EPB41L1: variants seen among roughly 807,000 people sequenced by gnomAD.
EPB41L1 encodes the protein band 4.1-like protein 1.
A neutral mutation model predicts 97.8 loss-of-function variants in EPB41L1; 29 were observed. The observed-to-expected ratio is 0.30, with a 90% CI of 0.22 to 0.40. The LOEUF is 0.40. Among genes scored for constraint, EPB41L1 ranks in the 10% least tolerant of loss-of-function variants. The probability of loss-of-function intolerance (pLI) is 1.00; values close to 1 mark genes in which losing one functional copy is unlikely to be tolerated. For missense variants in EPB41L1, 812 were observed against 1,162.3 expected (o/e 0.70, Z 4.38); for synonymous variants, 383 against 459.2 (o/e 0.83, Z 2.12).
chr20:36,194,382 A>T, intron 12 of EPB41L1, 22 bp downstream of exon 12: 1 of 1,586,224 alleles, frequency 6.3e-7, no homozygotes, highest in Middle Eastern at 1.7e-4. Flanking sequence ...GCTTTCTCAT[A>T]CTCTCTGCCC....
At chr20:36,222,050 A>AC in intron 20 of EPB41L1, 106 bp downstream of exon 20, 1 of 1,253,188 alleles carries the variant, frequency 8.0e-7, no homozygotes, top group Non-Finnish European at 1.2e-6. Flanking sequence ...GAAGGTGTCC[A>AC]CTTCTTGCTG....
chr20:36,206,786 C>A lies in EPB41L1; in HGVS notation c.1669-2702C>A, dbSNP rs1034031325. 13 of 1,289,856 alleles carry A rather than the reference C, an allele frequency of 1.0e-5. No individual in the cohort carries two copies. Among genetic ancestry groups the A allele is most frequent in the Non-Finnish European group, 1.3e-5 (13 of 988,874 alleles). The allele number at this position is 1,289,856 out of a possible 1,614,324, so 79.9% of individuals were successfully genotyped here. On this transcript the variant is annotated intron_variant, in intron 14 of 21. Coordinates refer to ENST00000338074, the MANE Select transcript of EPB41L1 (RefSeq NM_012156.2). The surrounding 1 kb of genome is among the most constrained non-coding windows in gnomAD (Gnocchi z 5.5). ...GTGGAAGGAGAGTTTCCCCACCTGA[C>A]AGCCAGCGCAGCCCGAGAGGAAGGG...
At chr20:36,213,725 A>G (rs1157488376) in intron 16 of EPB41L1, among the ~76,000 whole-genome samples, 1 of 152,232 alleles carries the variant, frequency 6.6e-6, no homozygotes, top group South Asian at 2.1e-4. Context: ...TAGTTATACA[A>G]TTCAAGCAGA....
At chr20:36,211,363 G>A (rs753558214) in intron 15 of EPB41L1, among the ~76,000 whole-genome samples, 19 of 151,222 alleles carry the variant, frequency 1.3e-4, no homozygotes, top group Non-Finnish European at 2.5e-4. Flanking sequence ...CCTGGGCAAC[G>A]GAACGAGATT....
At chr20:36,221,110 G>A in intron 19 of EPB41L1, among the ~76,000 whole-genome samples, 1 of 152,170 alleles carries the variant, frequency 6.6e-6, no homozygotes, top group East Asian at 1.9e-4. Flanking sequence ...TCTTCCCAAA[G>A]TCCCTGCCAA....
chr20:36,163,471 C>G (rs1341815440), intron 1 of EPB41L1, among the ~76,000 whole-genome samples: 1 of 152,184 alleles, frequency 6.6e-6, no homozygotes, highest in Non-Finnish European at 1.5e-5. Context: ...CCCTTGCCTT[C>G]CTTGACTTCT....
chr20:36,172,566 A>T (rs1462678548), intron 1 of EPB41L1, among the ~76,000 whole-genome samples: 1 of 152,236 alleles, frequency 6.6e-6, no homozygotes, highest in Non-Finnish European at 1.5e-5. Context: ...GTGCAAACAC[A>T]AACATATGTT....
chr20:36,097,740 A>T (rs2057878821), intron 1 of EPB41L1, among the ~76,000 whole-genome samples: 1 of 152,238 alleles, frequency 6.6e-6, no homozygotes, highest in South Asian at 2.1e-4. Flanking sequence ...TAGCATGTGC[A>T]AAGGCAGAAC....
At chr20:36,145,296 C>T (rs951353172) in intron 2 of EPB41L1, among the ~76,000 whole-genome samples, 7 of 149,288 alleles carry the variant, frequency 4.7e-5, no homozygotes, top group East Asian at 3.9e-4. Context: ...GAGGCTGAGG[C>T]GGAGAATTGC....
chr20:36,191,494 G>C (rs2061947836), intron 11 of EPB41L1, among the ~76,000 whole-genome samples: 1 of 152,126 alleles, frequency 6.6e-6, no homozygotes, highest in African/African-American at 2.4e-5. Context: ...AGTCGCCTGT[G>C]AGATTGTTAA....
rs778435288 is a variant in EPB41L1 at position 36,193,522 on chromosome 20, C to T, written c.1301-690C>T. On this transcript the variant is annotated intron_variant, in intron 11 of 21. Transcript: ENST00000338074. ...CCAAGACACAATCCACGGGCATAGTCGGATTATGCCCAATGCGTGATGCGA... is the reference window on the plus strand; with the variant it reads ...CCAAGACACAATCCACGGGCATAGTTGGATTATGCCCAATGCGTGATGCGA... Among the ~76,000 whole-genome samples the T allele has an allele frequency of 1.2e-4, 18 of 152,322 alleles. No homozygotes were observed. The East Asian group carries it at 2.9e-3, about 24-fold the overall frequency.
intron 2 of EPB41L1, chr20:36,125,549 AACAGT>A: frequency 6.5e-7 from 1 of 1,535,182 alleles, no homozygotes; most frequent in Non-Finnish European, 8.7e-7. Context: ...TCTTCCATTC[AACAGT>A]GGGGGATTCA....
chr20:36,176,450 G>T (rs1162756632), intron 3 of EPB41L1, among the ~76,000 whole-genome samples: 1 of 152,182 alleles, frequency 6.6e-6, no homozygotes, highest in African/African-American at 2.4e-5. Flanking sequence ...TTCTCCGCAT[G>T]TGTGAAAGGG....
intron 2 of EPB41L1, among the ~76,000 whole-genome samples, chr20:36,131,449 G>T (rs1569086337): frequency 1.3e-5 from 2 of 151,916 alleles, no homozygotes; most frequent in African/African-American, 2.4e-5. Context: ...CCTGTTCCTT[G>T]TGTGTAGGGA....
chr20:36,211,048 G>A (rs191968190), intron 15 of EPB41L1, among the ~76,000 whole-genome samples: 13 of 152,132 alleles, frequency 8.5e-5, no homozygotes, highest in South Asian at 6.2e-4. Flanking sequence ...ACTCCAGCCC[G>A]GGCGACAGAG....
At chr20:36,139,190 C>T (rs535393652) in intron 2 of EPB41L1, among the ~76,000 whole-genome samples, 7 of 152,156 alleles carry the variant, frequency 4.6e-5, no homozygotes, top group African/African-American at 7.2e-5. Flanking sequence ...GGAGACGGCC[C>T]GGCTAGGCCA....
chr20:36,108,395 C>A (rs1255445662), intron 1 of EPB41L1, among the ~76,000 whole-genome samples: 2 of 152,006 alleles, frequency 1.3e-5, no homozygotes, highest in Non-Finnish European at 1.5e-5. Flanking sequence ...GGTACTAAGG[C>A]CAGGCACGAT....
intron 1 of EPB41L1, among the ~76,000 whole-genome samples, chr20:36,095,700 G>GT (rs1282427932): frequency 1.3e-5 from 2 of 152,174 alleles, no homozygotes; most frequent in East Asian, 1.9e-4. Context: ...TAGAGCTGTG[G>GT]TTTTTTCACC....
intron 1 of EPB41L1, among the ~76,000 whole-genome samples, chr20:36,159,045 G>A (rs1365640681): frequency 6.6e-6 from 1 of 152,170 alleles, no homozygotes; most frequent in Non-Finnish European, 1.5e-5. Context: ...GAGGGCTGGG[G>A]AGGGATCAAG....
Sources: allele counts gnomAD v4.1 joint callset (sites outside exome capture counted in the v4.1 genomes callset), GRCh38; gene constraint gnomAD v4.1.1; non-coding constraint Gnocchi (gnomAD v3.1); transcripts MANE v1.5; gene names NCBI Gene and HGNC (gene_info 2026-07-23, HGNC 2026-07-21).